B4GALT6: variants seen among roughly 807,000 people sequenced by gnomAD.
The protein encoded by B4GALT6 is beta-1,4-galactosyltransferase 6.
Under a neutral mutation model 46.3 loss-of-function variants are expected in B4GALT6, and 14 were observed. The ratio of observed to expected loss-of-function variants is 0.30; its 90% CI spans 0.20 to 0.47. The LOEUF (loss-of-function observed/expected upper bound fraction) is 0.47. Among genes scored for constraint, B4GALT6 ranks in the 20% least tolerant of loss-of-function variants. The pLI is 0.99. For synonymous variants in B4GALT6, 168 were observed against 162.0 expected, an observed-to-expected ratio of 1.04 and a Z score of -0.28; for missense variants, 386 against 480.1, an observed-to-expected ratio of 0.80 and a Z score of 1.83.
At chr18:31,657,514 C>T (rs749137576) in intron 3 of B4GALT6, among the ~76,000 whole-genome samples, 13 of 152,042 alleles carry the variant, frequency 8.6e-5, no homozygotes, top group Non-Finnish European at 1.8e-4. Flanking sequence ...TTTTCATAAC[C>T]GGAAAGAATA....
Position 31,631,092 on chromosome 18 carries a change from C to A in B4GALT6, c.643G>T (p.Ala215Ser), listed in dbSNP as rs768779660. The change falls in exon 6 of 9, where the codon GCC (alanine) becomes TCC (serine). Residue 215 changes from alanine (A) to serine (S), a missense_variant. Around this residue, in one of 2 missense-constraint regions of B4GALT6, gnomAD observed 323 missense variants for 438.9 expected, o/e 0.74. Coordinates refer to ENST00000306851, the MANE Select transcript of B4GALT6 (RefSeq NM_004775.5). ...CAGTCCCAGACACTGTCTTTCATGG[C>A]CTCTTTGAAGCCCACATTGAAAAGC... ...AMLFNVGFKE[A>S]MKDSVWDCVI... The A allele has an allele frequency of 3.1e-6, 5 of 1,614,014 alleles. No individual in the cohort carries two copies. The African/African-American group carries it at 6.7e-5, about 22-fold the overall frequency.
chr18:31,716,140 G>A, the B4GALT6 span, among the ~76,000 whole-genome samples: 1 of 152,164 alleles, frequency 6.6e-6, no homozygotes, highest in South Asian at 2.1e-4. Flanking sequence ...CAATGATGAG[G>A]GAGAGAAAAA....
At chr18:31,690,805 T>A (rs537299543), upstream of B4GALT6, among the ~76,000 whole-genome samples, 285 of 152,286 alleles carry the variant, frequency 1.9e-3, 3 homozygotes, top group African/African-American at 6.5e-3. Context: ...GTCATTTTCT[T>A]ACTACATAGC....
the B4GALT6 span, among the ~76,000 whole-genome samples, chr18:31,708,866 A>G: frequency 6.6e-6 from 1 of 152,222 alleles, no homozygotes; most frequent in Non-Finnish European, 1.5e-5. Flanking sequence ...TGAATGAAAA[A>G]GGATGAAGCC....
At chr18:31,708,827 G>A in the B4GALT6 span, among the ~76,000 whole-genome samples, 1 of 152,158 alleles carries the variant, frequency 6.6e-6, no homozygotes. Flanking sequence ...CAATGGGGGA[G>A]AGAGGCCATC....
the B4GALT6 span, among the ~76,000 whole-genome samples, chr18:31,712,830 C>T: frequency 2.6e-5 from 4 of 152,216 alleles, no homozygotes; most frequent in African/African-American, 7.2e-5. Flanking sequence ...CGCTAAGCAG[C>T]GAACATCATC....
At chr18:31,641,839 T>C (rs1458946443) in intron 4 of B4GALT6, among the ~76,000 whole-genome samples, 3 of 152,212 alleles carry the variant, frequency 2.0e-5, no homozygotes, top group Non-Finnish European at 2.9e-5. Context: ...ATATACACCA[T>C]GAGGAGAACA....
the B4GALT6 span, among the ~76,000 whole-genome samples, chr18:31,696,291 G>C: frequency 6.6e-6 from 1 of 152,132 alleles, no homozygotes; most frequent in Non-Finnish European, 1.5e-5. Flanking sequence ...TCCATCATAC[G>C]CGTATTTGGC....
the B4GALT6 span, among the ~76,000 whole-genome samples, chr18:31,692,762 T>C: frequency 2.8e-3 from 427 of 152,222 alleles, no homozygotes; most frequent in East Asian, 0.023. Context: ...TATTTGTAGT[T>C]TATGCTCTTA....
the B4GALT6 span, among the ~76,000 whole-genome samples, chr18:31,718,006 G>A: frequency 2.7e-5 from 4 of 150,780 alleles, no homozygotes; most frequent in African/African-American, 9.8e-5. Context: ...CACAGGAAAA[G>A]GGAGTCATGC....
At chr18:31,690,953 A>G in the B4GALT6 span, among the ~76,000 whole-genome samples, 2 of 152,110 alleles carry the variant, frequency 1.3e-5, no homozygotes, top group East Asian at 1.9e-4. Flanking sequence ...CAGTGAGAAC[A>G]CAGGGAGGGG....
At chr18:31,629,570 C>G (rs1488730033) in intron 6 of B4GALT6, among the ~76,000 whole-genome samples, 3 of 142,214 alleles carry the variant, frequency 2.1e-5, no homozygotes, top group Non-Finnish European at 4.5e-5. Context: ...CAGATTGTTG[C>G]CGGGCACGGT....
At chr18:31,700,860 A>G in the B4GALT6 span, among the ~76,000 whole-genome samples, 1 of 151,880 alleles carries the variant, frequency 6.6e-6, no homozygotes, top group East Asian at 1.9e-4. Context: ...TGGAGCAAAG[A>G]CCCACCCCAC....
At chr18:31,706,573 G>A in the B4GALT6 span, among the ~76,000 whole-genome samples, 1 of 152,140 alleles carries the variant, frequency 6.6e-6, no homozygotes, top group African/African-American at 2.4e-5. Context: ...GGAGGCTGTA[G>A]TGAGCTGAGA....
chr18:31,709,587 GTGTGTGTGTGTGTGTGTA>G, the B4GALT6 span, among the ~76,000 whole-genome samples: 17 of 137,302 alleles, frequency 1.2e-4, no homozygotes, highest in Admixed American at 3.6e-4. Flanking sequence ...GTGTGTGTGT[GTGTGTGTGTGTGTGTGTA>G]TATATATATC....
At chr18:31,681,154 T>C (rs1336923276) in intron 1 of B4GALT6, among the ~76,000 whole-genome samples, 1 of 152,212 alleles carries the variant, frequency 6.6e-6, no homozygotes, top group Non-Finnish European at 1.5e-5. Flanking sequence ...ACTCCTATTG[T>C]TGAATGAACT....
chr18:31,677,473 A>T (rs2074427315), intron 1 of B4GALT6, among the ~76,000 whole-genome samples: 1 of 152,222 alleles, frequency 6.6e-6, no homozygotes, highest in African/African-American at 2.4e-5. Flanking sequence ...GAAAGTTTCC[A>T]GTGGGCCCAA....
chr18:31,717,014 G>A, the B4GALT6 span, among the ~76,000 whole-genome samples: 1 of 151,988 alleles, frequency 6.6e-6, no homozygotes, highest in Admixed American at 6.6e-5. Context: ...CAGGAGAATC[G>A]CTTGAATCTG....
chr18:31,699,937 A>G, the B4GALT6 span, among the ~76,000 whole-genome samples: 110 of 152,360 alleles, frequency 7.2e-4, 3 homozygotes, highest in South Asian at 0.023. Context: ...GAGATCTAAT[A>G]TGTTTGAAAA....
Sources: allele counts gnomAD v4.1 joint callset (sites outside exome capture counted in the v4.1 genomes callset), GRCh38; gene constraint gnomAD v4.1.1; regional missense constraint gnomAD v4.1.1; transcripts MANE v1.5; gene names NCBI Gene and HGNC (gene_info 2026-07-23, HGNC 2026-07-21).